TVP23B: variants seen among roughly 807,000 people sequenced by gnomAD.
The protein encoded by TVP23B is Golgi apparatus membrane protein TVP23 homolog B.
A neutral mutation model predicts 30.6 loss-of-function variants in TVP23B; 10 were observed. The observed-to-expected ratio is 0.33, with a 90% CI of 0.20 to 0.55. TVP23B has a LOEUF of 0.55. Among genes scored for constraint, TVP23B ranks in the 20% least tolerant of loss-of-function variants. The probability of loss-of-function intolerance (pLI) is 0.91; values close to 1 mark genes in which losing one functional copy is unlikely to be tolerated. For missense variants in TVP23B, 153 were observed against 243.2 expected (o/e 0.63, Z 2.47); for synonymous variants, 67 against 83.1 (o/e 0.81, Z 1.06).
chr17:18,805,743 A>G lies in TVP23B; in HGVS notation c.*176A>G, dbSNP rs544037322. 4.0e-5 allele frequency: 58 copies of G among 1,437,458 alleles called. No homozygotes were observed. In the South Asian group the frequency reaches 9.0e-4, roughly 22 times the overall value. The allele number at this position is 1,437,458 out of a possible 1,614,324, so 89.0% of individuals were successfully genotyped here. On this transcript the variant is annotated 3_prime_UTR_variant, in exon 7 of 7. Transcript: ENST00000307767. ...CATATTAAGTTTTTATTTCCTTTCC[A>G]GCAGTTGGGGCTAGAAAGTATGTGT...
intron 3 of TVP23B, chr17:18,797,066 C>T (rs1464989046): frequency 1.8e-5 from 3 of 166,804 alleles, no homozygotes; most frequent in African/African-American, 4.8e-5. Context: ...ATTACCAGCA[C>T]ATAGTAGATG....
At chr17:18,781,485 C>T (rs1287963411) in intron 1 of TVP23B, 180 bp downstream of exon 1, 1 of 1,196,580 alleles carries the variant, frequency 8.4e-7, no homozygotes, top group South Asian at 1.6e-5. Flanking sequence ...TCTGAGGCCG[C>T]TGGGGGCGGC....
chr17:18,783,193 C>T (rs1597612157), intron 1 of TVP23B, among the ~76,000 whole-genome samples: 2 of 150,768 alleles, frequency 1.3e-5, no homozygotes, highest in South Asian at 4.2e-4. Flanking sequence ...GCAACCTCTG[C>T]CTCCCGGCTT....
chr17:18,796,136 G>A (rs2036072710), intron 3 of TVP23B: 1 of 151,508 alleles, frequency 6.6e-6, no homozygotes, highest in African/African-American at 2.4e-5. Context: ...AATGAAAAAT[G>A]TCTGTGGTTT....
At chr17:18,785,131 C>CT (rs1490471353) in intron 1 of TVP23B, among the ~76,000 whole-genome samples, 2 of 152,176 alleles carry the variant, frequency 1.3e-5, no homozygotes, top group African/African-American at 4.8e-5. Flanking sequence ...CCTCCTTCTT[C>CT]TCCCCTCCCC....
chr17:18,792,470 T>C (rs921617378), intron 3 of TVP23B, among the ~76,000 whole-genome samples: 1 of 152,250 alleles, frequency 6.6e-6, no homozygotes, highest in Non-Finnish European at 1.5e-5. Flanking sequence ...CTTCTTTGGC[T>C]TGCATTTCTT....
rs985717904 is a variant in TVP23B, at chr17:18,789,369, C to T, written c.29C>T (p.Thr10Ile). The change falls in exon 2 of 7, where the codon ACT (threonine) becomes ATT (isoleucine). Residue 10 changes from threonine to isoleucine, a missense_variant. Thr to Ile is a moderately conservative substitution (Grantham distance 89). Transcript: ENST00000307767. MLQQDSNDDTEDVSLFDAEE... is the reference protein window; with the variant it reads MLQQDSNDDIEDVSLFDAEE... ...TCCTACCAGGATAGTAATGATGACA[C>T]TGAAGATGTTTCACTGTTTGATGCG... 1 of 1,613,934 alleles carries T rather than the reference C, an allele frequency of 6.2e-7. No individual in the cohort carries two copies. The highest frequency in any genetic ancestry group is 8.5e-7 in the Non-Finnish European group (1 of 1,179,874).
chr17:18,802,334 ATCATC>A, intron 5 of TVP23B, among the ~76,000 whole-genome samples: 1 of 152,292 alleles, frequency 6.6e-6, no homozygotes, highest in African/African-American at 2.4e-5. Context: ...TCTTAAGATG[ATCATC>A]TCTCATGATT....
At chr17:18,797,850 A>G (rs1378746286) in intron 4 of TVP23B, among the ~76,000 whole-genome samples, 182 bp downstream of exon 4, 1 of 152,200 alleles carries the variant, frequency 6.6e-6, no homozygotes, top group Non-Finnish European at 1.5e-5. Context: ...CAGACCAGAA[A>G]CAAGCAATAT....
chr17:18,785,431 G>A (rs2035889210), intron 1 of TVP23B, among the ~76,000 whole-genome samples: 1 of 145,902 alleles, frequency 6.9e-6, no homozygotes, highest in South Asian at 2.1e-4. Flanking sequence ...AGCAGTACCT[G>A]GCACTTGGTA....
At chr17:18,790,786 T>G in intron 2 of TVP23B, 110 bp from the exon 3 acceptor site, 1 of 1,493,220 alleles carries the variant, frequency 6.7e-7, no homozygotes, top group Non-Finnish European at 9.1e-7. Flanking sequence ...CCTCTTTTAT[T>G]TTGACAAAAC....
chr17:18,799,761 T>C (rs867758092), intron 5 of TVP23B, among the ~76,000 whole-genome samples: 1 of 152,172 alleles, frequency 6.6e-6, no homozygotes, highest in African/African-American at 2.4e-5. Flanking sequence ...TGAATAAATA[T>C]TGTGTGAATT....
intron 5 of TVP23B, among the ~76,000 whole-genome samples, chr17:18,803,119 G>C (rs2036193162): frequency 6.6e-6 from 1 of 151,994 alleles, no homozygotes; most frequent in Non-Finnish European, 1.5e-5. Context: ...ATCTAGATTG[G>C]AAAACGACAT....
At chr17:18,797,188 T>G (rs1012716790) in intron 3 of TVP23B, 1 of 212,734 alleles carries the variant, frequency 4.7e-6, no homozygotes, top group Admixed American at 5.3e-5. Flanking sequence ...TGAAGGCCAG[T>G]GTCTATAATC....
chr17:18,789,151 G>C (rs146913131), intron 1 of TVP23B: 1 of 781,890 alleles, frequency 1.3e-6, no homozygotes, highest in Non-Finnish European at 2.0e-6. Context: ...CTGAGACTTC[G>C]ATTATTCTCT....
At chr17:18,792,338 C>A (rs2151846929) in intron 3 of TVP23B, among the ~76,000 whole-genome samples, 1 of 152,204 alleles carries the variant, frequency 6.6e-6, no homozygotes, top group East Asian at 1.9e-4. Context: ...GCCTGGCCAT[C>A]TTTTAATTCT....
At chr17:18,790,793 A>G in intron 2 of TVP23B, 103 bp from the exon 3 acceptor site, 2 of 1,497,050 alleles carry the variant, frequency 1.3e-6, no homozygotes, top group South Asian at 1.2e-5. Flanking sequence ...TATTTTGACA[A>G]AACTCTTCAC....
chr17:18,801,621 G>C (rs148582129), intron 5 of TVP23B, among the ~76,000 whole-genome samples: 1,977 of 150,058 alleles, frequency 0.013, 37 homozygotes, highest in African/African-American at 0.048. Flanking sequence ...CTTGTCTGCT[G>C]GTTGGCTGTG....
chr17:18,781,416 A>C, intron 1 of TVP23B, 111 bp downstream of exon 1: 2 of 1,515,994 alleles, frequency 1.3e-6, no homozygotes, highest in South Asian at 2.5e-5. Context: ...CTCGAGGAGG[A>C]GCGGGGCGGC....
Sources: allele counts gnomAD v4.1 joint callset (sites outside exome capture counted in the v4.1 genomes callset), GRCh38; gene constraint gnomAD v4.1.1; transcripts MANE v1.5; gene names NCBI Gene and HGNC (gene_info 2026-07-23, HGNC 2026-07-21).